Variants in LRBA observed in about 807,000 individuals in gnomAD.
LRBA encodes lipopolysaccharide-responsive and beige-like anchor protein.
Under a neutral mutation model 330.0 loss-of-function variants are expected in LRBA, and 176 were observed. That is an observed-to-expected ratio of 0.53 (90% confidence interval 0.47 to 0.60). LRBA has a LOEUF of 0.60. Ranked by LOEUF, LRBA falls within the 20% of genes least tolerant of loss-of-function variation. The pLI, the probability that LRBA is intolerant of heterozygous loss-of-function variation, is 0.00. For synonymous variants in LRBA, 1,230 were observed against 1,193.0 expected (o/e 1.03, Z -0.64); for missense variants, 3,259 against 3,444.8 (o/e 0.95, Z 1.35).
chr4:150,379,580 A>G (rs1237502186), intron 47 of LRBA, among the ~76,000 whole-genome samples: 1 of 152,180 alleles, frequency 6.6e-6, no homozygotes, highest in Non-Finnish European at 1.5e-5. Flanking sequence ...TCACACATCT[A>G]TGCTATTAGT....
intron 40 of LRBA, among the ~76,000 whole-genome samples, chr4:150,524,735 T>C (rs6843987): frequency 0.067 from 10,238 of 152,240 alleles, 562 homozygotes; most frequent in East Asian, 0.18. Flanking sequence ...CTTACAAATA[T>C]TGTGTATTGT....
chr4:150,579,242 G>T, intron 40 of LRBA: 1 of 456,648 alleles, frequency 2.2e-6, no homozygotes, highest in Non-Finnish European at 4.4e-6. Context: ...AGGTGACAGG[G>T]GCTCTTCAAT....
In LRBA at chr4:150,706,830, A is replaced by G. The variant is rs141057318; in HGVS notation, c.5755-23113T>C. On this transcript the variant is annotated intron_variant, in intron 36 of 56. Transcript: ENST00000651943. ...AATACTAAGGTTCAGAGATCATCAA[A>G]CTCACTCATAAAAAACCAAAAATGT... 2.5e-3 allele frequency among the ~76,000 whole-genome samples: 372 copies of G among 151,766 alleles called. 3 individuals carry two copies. The highest frequency in any genetic ancestry group is 8.5e-3 in the African/African-American group (355 of 41,530).
At chr4:150,967,566 G>T (rs1739042340) in intron 2 of LRBA, among the ~76,000 whole-genome samples, 1 of 152,114 alleles carries the variant, frequency 6.6e-6, no homozygotes, top group African/African-American at 2.4e-5. Context: ...TCATTTTATG[G>T]CACTTCATGT....
At chr4:150,976,505 A>G (rs1468143259) in intron 2 of LRBA, among the ~76,000 whole-genome samples, 1 of 152,228 alleles carries the variant, frequency 6.6e-6, no homozygotes, top group Non-Finnish European at 1.5e-5. Flanking sequence ...GTTACTGAAT[A>G]CTAATCTGTT....
At position 150,434,482 on chromosome 4, in the gene LRBA, G is replaced by A. The variant is rs535925165; in HGVS notation, c.7041+1107C>T. On this transcript the variant is annotated intron_variant, in intron 46 of 56. Coordinates refer to ENST00000651943, the MANE Select transcript of LRBA (RefSeq NM_001364905.1). Reference sequence around the variant, plus strand: ...GGCAAAACACAATTATTTCAAGAACGGGTACATAGGATATCTAAATATCTA... The same window carrying A: ...GGCAAAACACAATTATTTCAAGAACAGGTACATAGGATATCTAAATATCTA... Among the ~76,000 whole-genome samples, 4 of 152,220 alleles carry A rather than the reference G, an allele frequency of 2.6e-5. No homozygotes were observed. In the South Asian group the frequency reaches 8.3e-4, roughly 32 times the overall value.
rs67191302 is a variant in LRBA, at chr4:150,584,472, TCC to T, written c.6330+3574_6330+3575del. 1.2e-3 allele frequency: 161 copies of T among 129,092 alleles called. 2 individuals are homozygous for T. The highest frequency in any genetic ancestry group is 8.1e-3 in the Middle Eastern group (2 of 246). 8.0% of individuals were successfully genotyped at this position (129,092 alleles called of 1,614,324 possible). ...CCCTATCCTTTTTCTCTCCACCCCA[TCC>T]CCCCCCCCATTTCGTTTTGCTTTTG... On this transcript the variant is annotated intron_variant, in intron 40 of 56. Transcript: ENST00000651943.
At chr4:150,407,673 C>T (rs1746393471) in intron 47 of LRBA, among the ~76,000 whole-genome samples, 1 of 152,122 alleles carries the variant, frequency 6.6e-6, no homozygotes, top group Non-Finnish European at 1.5e-5. Context: ...AAATCATACA[C>T]AGTATGCTCT....
chr4:150,331,745 A>G (rs1466695238), intron 48 of LRBA, among the ~76,000 whole-genome samples: 1 of 152,196 alleles, frequency 6.6e-6, no homozygotes. Flanking sequence ...ACTTGCAAGG[A>G]GATGTTCAAT....
Position 150,914,203 on chromosome 4 carries a change from C to A in LRBA, c.1153G>T (p.Gly385Ter). Reference sequence around the variant, plus strand: ...AACAGTAAGCAAACTACCTTGTATCCCAGGCCCAACTGATAAATAGCAAAT... The same window carrying A: ...AACAGTAAGCAAACTACCTTGTATCACAGGCCCAACTGATAAATAGCAAAT... ...QIFAIYQLGL[G>*]YKGTFKFKAE... Residue 385 changes from glycine (G) to a stop codon, truncating the protein, a stop_gained, in exon 9 of 57, where the codon GGA becomes TGA. Coordinates refer to ENST00000651943, the MANE Select transcript of LRBA (RefSeq NM_001364905.1). LOFTEE classifies it high-confidence loss of function. The A allele has an allele frequency of 1.2e-6, 2 of 1,605,308 alleles. No homozygotes were observed. Among genetic ancestry groups the A allele is most frequent in the Non-Finnish European group, 8.5e-7 (1 of 1,175,562 alleles).
chr4:150,753,287 T>C (rs1245306908), intron 35 of LRBA, among the ~76,000 whole-genome samples: 2 of 152,220 alleles, frequency 1.3e-5, no homozygotes, highest in Non-Finnish European at 2.9e-5. Context: ...AGGCAGGCAT[T>C]TCTATTCTGA....
chr4:150,612,171 T>C (rs1016093152), intron 37 of LRBA, among the ~76,000 whole-genome samples: 1 of 152,108 alleles, frequency 6.6e-6, no homozygotes, highest in African/African-American at 2.4e-5. Context: ...CTTCTTAAGA[T>C]ACTTTGTAAG....
chr4:150,473,351 T>G (rs971589749), intron 42 of LRBA, among the ~76,000 whole-genome samples: 1 of 152,202 alleles, frequency 6.6e-6, no homozygotes, highest in Non-Finnish European at 1.5e-5. Flanking sequence ...AACTCTGTGA[T>G]AGTTAATTTT....
intron 31 of LRBA, among the ~76,000 whole-genome samples, chr4:150,812,594 T>C (rs1743906331): frequency 1.3e-5 from 2 of 152,124 alleles, no homozygotes; most frequent in African/African-American, 4.8e-5. Context: ...ACAAATCCTA[T>C]TGAATGAATA....
At chr4:150,581,870 C>G (rs1040572808) in intron 40 of LRBA, 2 of 152,338 alleles carry the variant, frequency 1.3e-5, no homozygotes, top group African/African-American at 4.8e-5. Context: ...AGCTCCACCC[C>G]CTCATGATGG....
chr4:150,289,183 T>G (rs559556252), intron 53 of LRBA, among the ~76,000 whole-genome samples: 1 of 152,358 alleles, frequency 6.6e-6, no homozygotes, highest in Non-Finnish European at 1.5e-5. Flanking sequence ...CATTATTTTT[T>G]TTGTAAACTC....
chr4:150,451,342 A>G (rs1259481008), intron 44 of LRBA, among the ~76,000 whole-genome samples: 1 of 144,714 alleles, frequency 6.9e-6, no homozygotes, highest in Non-Finnish European at 1.5e-5. Flanking sequence ...AAGAACTGAA[A>G]TCATACAGCG....
chr4:150,637,426 T>C (rs1172358959), intron 37 of LRBA, among the ~76,000 whole-genome samples: 1 of 152,190 alleles, frequency 6.6e-6, no homozygotes, highest in African/African-American at 2.4e-5. Flanking sequence ...AGCTCCAACA[T>C]AGCCCGTAAA....
At chr4:150,702,935 G>A (rs1785253810) in intron 36 of LRBA, among the ~76,000 whole-genome samples, 1 of 152,156 alleles carries the variant, frequency 6.6e-6, no homozygotes, top group South Asian at 2.1e-4. Context: ...CAAGGCAGGG[G>A]GATCACCTGA....
Sources: gnomAD v4.1 joint callset for allele counts (sites outside exome capture counted in the v4.1 genomes callset) on GRCh38, gnomAD v4.1.1 for gene constraint, MANE v1.5 for transcripts, NCBI Gene and HGNC (gene_info 2026-07-23, HGNC 2026-07-21) for gene names.